Variants in MZT1 observed in about 807,000 individuals in gnomAD.
MZT1 encodes the protein mitotic-spindle organizing protein 1.
Under a neutral mutation model 8.5 loss-of-function variants are expected in MZT1, and 8 were observed. That is an observed-to-expected ratio of 0.94 (90% CI 0.55 to 1.70). The LOEUF (loss-of-function observed/expected upper bound fraction) is 1.70. Among genes scored for constraint, MZT1 ranks in the 40% most tolerant of loss-of-function variants. The probability of loss-of-function intolerance (pLI) is 0.00; values close to 1 mark genes in which losing one functional copy is unlikely to be tolerated. For synonymous variants in MZT1, 38 were observed against 42.0 expected, an observed-to-expected ratio of 0.90 and a Z score of 0.37; for missense variants, 93 against 108.6, an observed-to-expected ratio of 0.86 and a Z score of 0.64.
intron 2 of MZT1, among the ~76,000 whole-genome samples, chr13:72,717,305 T>C (rs1016350224): frequency 3.3e-5 from 5 of 151,728 alleles, no homozygotes; most frequent in Non-Finnish European, 5.9e-5. Flanking sequence ...CTTCCAACAA[T>C]AGAACACAAT....
chr13:72,709,531 T>C lies in MZT1; in HGVS notation c.*791A>G, dbSNP rs1001197540. 1.2e-4 allele frequency: 18 copies of C among 152,072 alleles called. No homozygotes were observed. The highest frequency in any genetic ancestry group is 4.3e-4 in the African/African-American group (18 of 41,462). The allele number at this position is 152,072 out of a possible 1,614,324, so 9.4% of individuals were successfully genotyped here. ...TTTTACAAATTTTTTTATTCCGTTA[T>C]TTATAGGATATAAAACTTTAAGAAA... On this transcript the variant is annotated 3_prime_UTR_variant, in exon 3 of 3. Transcript: ENST00000377818.
intron 1 of MZT1, among the ~76,000 whole-genome samples, chr13:72,727,215 C>G (rs1170815528): frequency 6.6e-6 from 1 of 152,132 alleles, no homozygotes; most frequent in Non-Finnish European, 1.5e-5. Context: ...CGCAGGAGAT[C>G]GGGCGGGTAG....
Position 72,710,335 on chromosome 13 carries a change from T to C in MZT1, c.236A>G (p.Asn79Ser). The change falls in exon 3 of 3, where the codon AAT becomes AGT. Residue 79 changes from asparagine (N) to serine (S), a missense_variant. Coordinates refer to ENST00000377818, the MANE Select transcript of MZT1 (RefSeq NM_001071775.3). ...KATEALKAAE[N>S]MTS ...TTCTCCAGAAAGTCAGCTTGTCATA[T>C]TTTCAGCAGCCTAGAACAAGAAAGT... 2 of 1,613,216 alleles carry C rather than the reference T, an allele frequency of 1.2e-6. No individual in the cohort carries two copies. The highest frequency in any genetic ancestry group is 1.7e-6 in the Non-Finnish European group (2 of 1,179,360).
intron 1 of MZT1, 69 bp downstream of exon 1, chr13:72,727,455 C>T (rs1331448212): frequency 6.6e-7 from 1 of 1,505,200 alleles, no homozygotes; most frequent in Non-Finnish European, 9.3e-7. Flanking sequence ...CCTCCCCAGG[C>T]TCATTCCCGC....
chr13:72,715,649 G>C (rs1300057638), intron 2 of MZT1, among the ~76,000 whole-genome samples: 13 of 152,156 alleles, frequency 8.5e-5, no homozygotes, highest in Admixed American at 8.5e-4. Flanking sequence ...CTCATGAATG[G>C]TTTAGCACCA....
At chr13:72,718,256 C>T (rs988150478) in intron 2 of MZT1, among the ~76,000 whole-genome samples, 1 of 152,108 alleles carries the variant, frequency 6.6e-6, no homozygotes, top group African/African-American at 2.4e-5. Context: ...TCTAAGGCCA[C>T]CAATTATTGG....
Position 72,724,725 on chromosome 13 carries a change from TATATATATATATATACAC to T in MZT1, c.79+2781_79+2798del, listed in dbSNP as rs1475695000. 3.2e-3 allele frequency among the ~76,000 whole-genome samples: 95 copies of T among 29,552 alleles called. 9 individuals carry two copies. The highest frequency in any genetic ancestry group is 0.03 in the East Asian group (16 of 532). The allele number at this position is 29,552 out of a possible 152,430, so 19.4% of individuals were successfully genotyped here. ...AAATATATATATATATATACATATA[TATATATATATATATACAC>T]ATATATATATGTAAAGTGGTGCTAC... On this transcript the variant is annotated intron_variant, in intron 1 of 2. Coordinates refer to ENST00000377818, the MANE Select transcript of MZT1 (RefSeq NM_001071775.3).
At chr13:72,724,739 T>TATAC (rs1555270942) in intron 1 of MZT1, among the ~76,000 whole-genome samples, 1 of 41,368 alleles carries the variant, frequency 2.4e-5, no homozygotes, top group African/African-American at 5.3e-5. Flanking sequence ...TATATATATA[T>TATAC]ACACATATAT....
chr13:72,723,915 A>C (rs910381422), intron 1 of MZT1, among the ~76,000 whole-genome samples: 3 of 152,230 alleles, frequency 2.0e-5, no homozygotes, highest in Non-Finnish European at 4.4e-5. Context: ...TTGGAAGGAC[A>C]CAGTGTTTAG....
At chr13:72,717,675 T>C (rs984617424) in intron 2 of MZT1, among the ~76,000 whole-genome samples, 1 of 152,134 alleles carries the variant, frequency 6.6e-6, no homozygotes, top group Non-Finnish European at 1.5e-5. Flanking sequence ...CACCTTTCTT[T>C]TAGTGTCCAA....
intron 1 of MZT1, among the ~76,000 whole-genome samples, chr13:72,723,403 C>T (rs1450458844): frequency 6.6e-6 from 1 of 152,072 alleles, no homozygotes; most frequent in African/African-American, 2.4e-5. Flanking sequence ...TGTGAAATGC[C>T]GCAAAATCCA....
At chr13:72,716,870 A>T (rs889167038) in intron 2 of MZT1, among the ~76,000 whole-genome samples, 2 of 152,182 alleles carry the variant, frequency 1.3e-5, no homozygotes, top group Non-Finnish European at 2.9e-5. Context: ...ATGGTCTCTG[A>T]GGCGCTCTTG....
chr13:72,714,858 C>T (rs561830879), intron 2 of MZT1, among the ~76,000 whole-genome samples: 141 of 152,338 alleles, frequency 9.3e-4, no homozygotes, highest in Non-Finnish European at 1.1e-3. Context: ...AGGCAGAAGC[C>T]TGCTTCAGGG....
Position 72,712,003 on chromosome 13 carries a change from C to T in MZT1, c.226-1658G>A, listed in dbSNP as rs370072344. On this transcript the variant is annotated intron_variant, in intron 2 of 2. Transcript: ENST00000377818. ...GAATGATGTTCACCAAACATTATTG[C>T]AGGCAATCTCTTTGGTAATCTTGAG... 6.6e-5 allele frequency among the ~76,000 whole-genome samples: 10 copies of T among 152,250 alleles called. No homozygotes were observed. In the East Asian group the frequency reaches 9.6e-4, roughly 15 times the overall value.
intron 1 of MZT1, among the ~76,000 whole-genome samples, chr13:72,726,091 C>G (rs915324363): frequency 6.6e-6 from 1 of 151,114 alleles, no homozygotes; most frequent in Non-Finnish European, 1.5e-5. Context: ...AAAAGAAAAC[C>G]AGGACCAGTG....
chr13:72,710,370 T>C (rs779768450), intron 2 of MZT1, 25 bp from the exon 3 acceptor site: 3 of 1,611,754 alleles, frequency 1.9e-6, no homozygotes, highest in East Asian at 4.5e-5. Context: ...TAAGATTCAT[T>C]ACAATAAAAC....
chr13:72,720,118 G>T (rs923261078), intron 1 of MZT1, among the ~76,000 whole-genome samples: 6 of 152,078 alleles, frequency 3.9e-5, no homozygotes, highest in African/African-American at 1.4e-4. Context: ...TAGAGTTTGG[G>T]TGGAAAATAG....
chr13:72,724,752 A>ATATGTGTGTGTGTGTGTG (rs1180726488), intron 1 of MZT1, among the ~76,000 whole-genome samples: 5 of 56,852 alleles, frequency 8.8e-5, no homozygotes, highest in African/African-American at 2.5e-4. Context: ...ACATATATAT[A>ATATGTGTGTGTGTGTGTG]TGTAAAGTGG....
intron 2 of MZT1, among the ~76,000 whole-genome samples, chr13:72,711,591 G>A (rs2032489300): frequency 6.6e-6 from 1 of 151,238 alleles, no homozygotes; most frequent in Non-Finnish European, 1.5e-5. Flanking sequence ...TCCAAAAAAA[G>A]AGACAATAAA....
Sources: allele counts gnomAD v4.1 joint callset (sites outside exome capture counted in the v4.1 genomes callset), GRCh38; gene constraint gnomAD v4.1.1; transcripts MANE v1.5; gene names NCBI Gene and HGNC (gene_info 2026-07-23, HGNC 2026-07-21).